Variants in DMXL1 observed in about 807,000 individuals in gnomAD.
The protein encoded by DMXL1 is Dmx like 1.
DMXL1 carries 99 observed loss-of-function variants against 319.2 expected under a neutral mutation model. The ratio of observed to expected loss-of-function variants is 0.31; its 90% CI spans 0.26 to 0.37. The LOEUF (loss-of-function observed/expected upper bound fraction) is 0.37, where lower values mean the gene tolerates loss of function less well. Ranked by LOEUF, DMXL1 falls within the 10% of genes least tolerant of loss-of-function variation. The probability of loss-of-function intolerance (pLI) is 1.00; values close to 1 mark genes in which losing one functional copy is unlikely to be tolerated. For missense variants in DMXL1, 3,745 were observed against 3,595.6 expected (o/e 1.04, Z -1.06); for synonymous variants, 1,385 against 1,235.2 (o/e 1.12, Z -2.54).
chr5:119,148,862 C>G lies in DMXL1; in HGVS notation c.3035C>G (p.Ser1012Ter), dbSNP rs781647602. ...CRVTDGESAT[S>*]KNGKIDLAYI... ...GTAACAGATGGAGAATCTGCCACGTCAAAGAATGGAAAAATTGATCTTGCA... is the reference window on the plus strand; with the variant it reads ...GTAACAGATGGAGAATCTGCCACGTGAAAGAATGGAAAAATTGATCTTGCA... The change falls in exon 18 of 44, where the codon TCA (serine) becomes TGA (stop). Residue 1012 changes from serine to a stop codon, truncating the protein, a stop_gained. Transcript: ENST00000539542. LOFTEE classifies it high-confidence loss of function. 1 of 1,613,702 alleles carries G rather than the reference C, an allele frequency of 6.2e-7. No homozygotes were observed. Among genetic ancestry groups the G allele is most frequent in the Non-Finnish European group, 8.5e-7 (1 of 1,179,796 alleles).
At chr5:119,109,201 G>C (rs1759027843) in intron 4 of DMXL1, among the ~76,000 whole-genome samples, 1 of 152,092 alleles carries the variant, frequency 6.6e-6, no homozygotes, top group Non-Finnish European at 1.5e-5. Context: ...CTCTGGAGTT[G>C]TTTTCTAAAA....
intron 8 of DMXL1, among the ~76,000 whole-genome samples, chr5:119,120,456 A>G (rs1761798431): frequency 1.3e-5 from 2 of 152,354 alleles, no homozygotes; most frequent in East Asian, 3.9e-4. Flanking sequence ...CCATTTTATC[A>G]TATGAAAGAT....
At chr5:119,217,851 CT>C (rs1783955610) in intron 35 of DMXL1, among the ~76,000 whole-genome samples, 1 of 150,788 alleles carries the variant, frequency 6.6e-6, no homozygotes, top group African/African-American at 2.5e-5. Flanking sequence ...TGTGCTATGT[CT>C]GTCTTCTCTG....
chr5:119,126,660 A>G (rs1041800153), intron 9 of DMXL1: 4 of 152,464 alleles, frequency 2.6e-5, no homozygotes, highest in Non-Finnish European at 4.4e-5. Context: ...ATCATTATAG[A>G]CAAAACTGGT....
rs758647244 is a variant in DMXL1 at position 119,071,559 on chromosome 5, A to T, written c.-11A>T. 1.9e-6 allele frequency: 3 copies of T among 1,599,792 alleles called. No individual in the cohort carries two copies. The highest frequency in any genetic ancestry group is 2.6e-6 in the Non-Finnish European group (3 of 1,173,476). On this transcript the variant is annotated 5_prime_UTR_variant, in exon 1 of 44. An upstream open reading frame in the 5' UTR loses its in-frame stop. Transcript: ENST00000539542. Reference sequence around the variant, plus strand: ...TGGATGCGGTGTCCGTTGCAGGACTAGGGCGCCGACATGAACCTGCACCAG... The same window carrying T: ...TGGATGCGGTGTCCGTTGCAGGACTTGGGCGCCGACATGAACCTGCACCAG...
chr5:119,237,162 A>G (rs1483745723), intron 39 of DMXL1, 160 bp from the exon 40 acceptor site: 3 of 404,698 alleles, frequency 7.4e-6, no homozygotes, highest in Non-Finnish European at 1.4e-5. Context: ...TAGTAGCTGA[A>G]TGTTTTTCTG....
At chr5:119,165,346 A>C in intron 21 of DMXL1, 66 bp downstream of exon 21, 1 of 813,932 alleles carries the variant, frequency 1.2e-6, no homozygotes. Flanking sequence ...AAGTAAATGA[A>C]TGAAGTAAGA....
intron 19 of DMXL1, among the ~76,000 whole-genome samples, chr5:119,155,770 C>T (rs1388517296): frequency 2.8e-5 from 4 of 144,562 alleles, no homozygotes; most frequent in Non-Finnish European, 6.0e-5. Context: ...AAGACTGCAA[C>T]GAGCTATGAT....
intron 1 of DMXL1, among the ~76,000 whole-genome samples, chr5:119,074,570 T>C (rs1750386533): frequency 6.6e-6 from 1 of 152,232 alleles, no homozygotes; most frequent in South Asian, 2.1e-4. Context: ...TCCTATTTTC[T>C]AGATTTGAAA....
At chr5:119,141,420 A>C (rs144495650) in intron 13 of DMXL1, among the ~76,000 whole-genome samples, 1 of 152,282 alleles carries the variant, frequency 6.6e-6, no homozygotes, top group Non-Finnish European at 1.5e-5. Context: ...TACAAAAATT[A>C]ATGTAGAAGA....
intron 38 of DMXL1, among the ~76,000 whole-genome samples, chr5:119,225,897 A>T (rs1785458923): frequency 6.6e-6 from 1 of 152,112 alleles, no homozygotes; most frequent in Non-Finnish European, 1.5e-5. Context: ...AAGGAGTCAA[A>T]ATGTGTTTTA....
rs79928338 is a variant in DMXL1, at chr5:119,129,269, C to G, written c.1161C>G (p.Thr387=). The G allele has an allele frequency of 1.9e-6, 3 of 1,613,396 alleles. No homozygotes were observed. Among genetic ancestry groups the G allele is most frequent in the Non-Finnish European group, 2.5e-6 (3 of 1,179,650 alleles). Residue 387 remains threonine, a synonymous_variant, in exon 10 of 44, where the codon ACC becomes ACG. Coordinates refer to ENST00000539542, the MANE Select transcript of DMXL1 (RefSeq NM_001290321.3). The stretch of plus-strand genomic sequence containing the variant: ...GTCTAAATGAAAATGAAGAGAAGAC[C>G]GGACCTTTTGTTGTACACTGGCTAA... ...SLSLNENEEK[T]GPFVVHWLNN... is the part of the protein sequence containing the mutation.
rs548525009 is a variant in DMXL1 at position 119,122,708 on chromosome 5, C to T, written c.1102+1569C>T. Among the ~76,000 whole-genome samples the T allele has an allele frequency of 7.3e-5, 11 of 150,232 alleles. No individual in the cohort carries two copies. The East Asian group carries it at 2.0e-3, about 27-fold the overall frequency. On this transcript the variant is annotated intron_variant, in intron 9 of 43. Coordinates refer to ENST00000539542, the MANE Select transcript of DMXL1 (RefSeq NM_001290321.3). ...GGCGCTCCTCACATCCCAGACGGGG[C>T]GGCGGGGCAGAGACGCTCCTCACTT...
Position 119,098,168 on chromosome 5 carries a change from G to C in DMXL1, c.213+64G>C, listed in dbSNP as rs533679929. On this transcript the variant is annotated intron_variant, in intron 2 of 43. Coordinates refer to ENST00000539542, the MANE Select transcript of DMXL1 (RefSeq NM_001290321.3). ...TATGGTTTTTGTCAGGATAATCTCT[G>C]AAGTGTGTATTTCCTATTGAATTAG... 1.6e-4 allele frequency: 246 copies of C among 1,523,058 alleles called. 1 individual carries two copies. The South Asian group carries it at 2.9e-3, about 18-fold the overall frequency. The allele number at this position is 1,523,058 out of a possible 1,614,324, so 94.3% of individuals were successfully genotyped here.
chr5:119,127,397 C>G (rs1299682462), intron 9 of DMXL1: 3 of 148,672 alleles, frequency 2.0e-5, no homozygotes, highest in African/African-American at 7.5e-5. Flanking sequence ...GTCACCCAGG[C>G]AAGCCTGGTG....
chr5:119,114,297 T>G (rs1760328098), intron 5 of DMXL1, among the ~76,000 whole-genome samples, 178 bp from the exon 6 acceptor site: 1 of 152,228 alleles, frequency 6.6e-6, no homozygotes, highest in South Asian at 2.1e-4. Flanking sequence ...GGTGTATGTT[T>G]TTATATTTAA....
rs766998278 is a variant in DMXL1, at chr5:119,170,410, G to A, written c.5619G>A (p.Leu1873=). 2 of 1,613,872 alleles carry A rather than the reference G, an allele frequency of 1.2e-6. No homozygotes were observed. ...ATTTAAAAGCTGGCTGCCCAATGTT[G>A]GCTTTGGAAGTATTATCAAAGATGC... ...SAHLKAGCPM[L]ALEVLSKMPK... Residue 1873 remains leucine (L), a synonymous_variant, in exon 24 of 44, where the codon TTG becomes TTA. Coordinates refer to ENST00000539542, the MANE Select transcript of DMXL1 (RefSeq NM_001290321.3).
intron 42 of DMXL1, among the ~76,000 whole-genome samples, chr5:119,242,341 A>G (rs1788979597): frequency 1.3e-5 from 2 of 152,236 alleles, no homozygotes; most frequent in African/African-American, 4.8e-5. Flanking sequence ...AACAATTGCA[A>G]TTTGAAATTT....
intron 1 of DMXL1, among the ~76,000 whole-genome samples, chr5:119,094,820 A>C (rs1561562621): frequency 6.6e-6 from 1 of 151,952 alleles, no homozygotes; most frequent in Admixed American, 6.6e-5. Flanking sequence ...TCAAGTCTTC[A>C]GTAGAGGAAG....
Sources: allele counts gnomAD v4.1 joint callset (sites outside exome capture counted in the v4.1 genomes callset), GRCh38; gene constraint gnomAD v4.1.1; transcripts MANE v1.5; gene names NCBI Gene and HGNC (gene_info 2026-07-23, HGNC 2026-07-21).